The following SYT13 variants were observed in gnomAD, a reference collection of about 807,000 sequenced individuals.
SYT13 encodes synaptotagmin-13.
A neutral mutation model predicts 38.6 loss-of-function variants in SYT13; 21 were observed. The observed-to-expected ratio is 0.54, with a 90% CI of 0.39 to 0.78. SYT13 has a LOEUF of 0.78. SYT13 is among the 30% of genes least tolerant of loss of function. The pLI is 0.00. For missense variants in SYT13, 495 were observed against 548.7 expected (o/e 0.90, Z 0.98); for synonymous variants, 241 against 237.6 (o/e 1.01, Z -0.13).
chr11:45,265,127 G>C (rs1401907205), intron 1 of SYT13, among the ~76,000 whole-genome samples: 1 of 152,152 alleles, frequency 6.6e-6, no homozygotes, highest in Non-Finnish European at 1.5e-5. Context: ...AGTCCATTGG[G>C]GCATATTCTT....
At chr11:45,261,195 C>T (rs2135897388) in intron 1 of SYT13, among the ~76,000 whole-genome samples, 1 of 152,284 alleles carries the variant, frequency 6.6e-6, no homozygotes. Context: ...AGGATGGCTA[C>T]TATCAACAAA....
intron 1 of SYT13, among the ~76,000 whole-genome samples, chr11:45,272,539 C>A (rs1396450922): frequency 6.6e-6 from 1 of 152,194 alleles, no homozygotes; most frequent in Admixed American, 6.5e-5. Context: ...AGATTCAAAG[C>A]CAGTCAGTAT....
chr11:45,283,357 C>A (rs141889286), intron 1 of SYT13, among the ~76,000 whole-genome samples: 5 of 152,240 alleles, frequency 3.3e-5, no homozygotes, highest in South Asian at 2.1e-4. Flanking sequence ...GTCATCTAGA[C>A]CCCTATTTTC....
intron 1 of SYT13, among the ~76,000 whole-genome samples, chr11:45,263,840 C>T (rs1320504089): frequency 6.6e-6 from 1 of 152,200 alleles, no homozygotes; most frequent in Non-Finnish European, 1.5e-5. Flanking sequence ...GATTAATTAA[C>T]TTCTCTGTGC....
Position 45,264,015 on chromosome 11 carries a change from C to G in SYT13, c.184-8124G>C, listed in dbSNP as rs142301858. 8.1e-3 allele frequency among the ~76,000 whole-genome samples: 1,234 copies of G among 152,290 alleles called. 14 individuals are homozygous for G. Among genetic ancestry groups the G allele is most frequent in the African/African-American group, 0.027 (1,139 of 41,552 alleles). ...TATTTATGTGACCCTAGGGTCTAGTCAGGTGCTACAAAAAGTGGGGTTTGT... is the reference window on the plus strand; with the variant it reads ...TATTTATGTGACCCTAGGGTCTAGTGAGGTGCTACAAAAAGTGGGGTTTGT... On this transcript the variant is annotated intron_variant, in intron 1 of 5. Transcript: ENST00000020926.
At position 45,242,143 on chromosome 11, in the gene SYT13, A is replaced by C. The variant is rs6416129; in HGVS notation, c.*1909T>G. ...CTTGTCCAGAAATTCTGTCTTAGGG[A>C]AGTGGATTAGGGTGACATCTGAAGG... On this transcript the variant is annotated 3_prime_UTR_variant, in exon 6 of 6. Transcript: ENST00000020926. 0.82 allele frequency: 124,414 copies of C among 152,102 alleles called. 51,893 individuals are homozygous for C. The highest frequency in any genetic ancestry group is 0.88 in the Non-Finnish European group (60,164 of 68,016). 9.4% of individuals were successfully genotyped at this position (152,102 alleles called of 1,614,324 possible).
intron 1 of SYT13, among the ~76,000 whole-genome samples, chr11:45,282,564 CAGG>C (rs1439889772): frequency 6.6e-6 from 1 of 152,188 alleles, no homozygotes; most frequent in Non-Finnish European, 1.5e-5. Flanking sequence ...CAGAGTCTAG[CAGG>C]AGATTTAATA....
At chr11:45,259,453 T>G (rs2135896095) in intron 1 of SYT13, among the ~76,000 whole-genome samples, 1 of 152,332 alleles carries the variant, frequency 6.6e-6, no homozygotes, top group South Asian at 2.1e-4. Context: ...GCCTCAAGTC[T>G]TGACACTCTG....
At chr11:45,281,138 G>C (rs1364264715) in intron 1 of SYT13, among the ~76,000 whole-genome samples, 2 of 151,962 alleles carry the variant, frequency 1.3e-5, no homozygotes, top group Non-Finnish European at 2.9e-5. Flanking sequence ...AGAGGTTGCA[G>C]TCAGCTGAGA....
intron 1 of SYT13, among the ~76,000 whole-genome samples, chr11:45,275,734 C>T (rs1292083533): frequency 6.6e-6 from 1 of 152,168 alleles, no homozygotes; most frequent in Non-Finnish European, 1.5e-5. Flanking sequence ...AGGCATCACA[C>T]TGGCCTGGTA....
At position 45,243,384 on chromosome 11, in the gene SYT13, A is replaced by G. The variant is rs1189544993; in HGVS notation, c.*668T>C. 6.6e-6 allele frequency: 1 copy of G among 152,240 alleles called. No individual in the cohort carries two copies. The highest frequency in any genetic ancestry group is 1.5e-5 in the Non-Finnish European group (1 of 68,052). 9.4% of individuals were successfully genotyped at this position (152,240 alleles called of 1,614,324 possible). ...GGCTGCACCATGGTTTTGGGACTCC[A>G]TCAAGGACTGTGGCCAAAAACCTGT... is the stretch of plus-strand genomic sequence containing the variant. On this transcript the variant is annotated 3_prime_UTR_variant, in exon 6 of 6. Coordinates refer to ENST00000020926, the MANE Select transcript of SYT13 (RefSeq NM_020826.3).
At chr11:45,283,539 C>T (rs1482271945) in intron 1 of SYT13, among the ~76,000 whole-genome samples, 1 of 152,242 alleles carries the variant, frequency 6.6e-6, no homozygotes, top group Admixed American at 6.5e-5. Context: ...TCTCTATTTA[C>T]TTCATCTGGG....
intron 1 of SYT13, among the ~76,000 whole-genome samples, chr11:45,274,569 C>T (rs867163865): frequency 2.0e-5 from 3 of 152,164 alleles, no homozygotes; most frequent in African/African-American, 4.8e-5. Context: ...AGATGCTCCG[C>T]GATATGCTCT....
chr11:45,263,576 T>G (rs1423097509), intron 1 of SYT13, among the ~76,000 whole-genome samples: 1 of 152,160 alleles, frequency 6.6e-6, no homozygotes, highest in Non-Finnish European at 1.5e-5. Context: ...CATCCAGTAT[T>G]CAGATGATGC....
chr11:45,286,060 T>C lies in SYT13; in HGVS notation c.148A>G (p.Lys50Glu), dbSNP rs1395655024. 6.2e-7 allele frequency: 1 copy of C among 1,609,650 alleles called. No homozygotes were observed. Among genetic ancestry groups the C allele is most frequent in the Non-Finnish European group, 8.5e-7 (1 of 1,179,606 alleles). The change falls in exon 1 of 6, where the codon AAG (lysine) becomes GAG (glutamate). Residue 50 changes from lysine (K) to glutamate (E), a missense_variant. Lys to Glu is a moderately conservative substitution (Grantham distance 56). Coordinates refer to ENST00000020926, the MANE Select transcript of SYT13 (RefSeq NM_020826.3). ...LPRDQDPDLE[K>E]AKPSLLGSAQ... ...GACCCGAGCAAGCTGGGCTTCGCCT[T>C]CTCCAGGTCGGGGTCCTGGTCCCGC...
chr11:45,281,725 A>T (rs1855076882), intron 1 of SYT13, among the ~76,000 whole-genome samples: 1 of 152,126 alleles, frequency 6.6e-6, no homozygotes, highest in Non-Finnish European at 1.5e-5. Context: ...CAATTTCAAT[A>T]AAGCCTTTGG....
chr11:45,276,476 A>C (rs1855011268), intron 1 of SYT13, among the ~76,000 whole-genome samples: 1 of 152,162 alleles, frequency 6.6e-6, no homozygotes. Flanking sequence ...AGAAATACCC[A>C]AGGTAGATGA....
At position 45,252,822 on chromosome 11, in the gene SYT13, C is replaced by T. The variant is rs757821516; in HGVS notation, c.545-100G>A. The T allele has an allele frequency of 7.3e-5, 98 of 1,351,202 alleles. No homozygotes were observed. Among genetic ancestry groups the T allele is most frequent in the Middle Eastern group, 4.3e-4 (2 of 4,608 alleles). 83.7% of individuals were successfully genotyped at this position (1,351,202 alleles called of 1,614,324 possible). A position where few individuals can be genotyped will look rare whatever the true frequency, so the allele number is the denominator to read the frequency against. ...AGGGCTGTGGAATCCAGCTTAACGA[C>T]GTGACCTTGGGTGTCAGAAAGGCTG... On this transcript the variant is annotated intron_variant, in intron 3 of 5. Transcript: ENST00000020926. The surrounding 1 kb of genome is among the most constrained non-coding windows in gnomAD (Gnocchi z 4.3).
rs755428724 is a variant in SYT13, at chr11:45,244,170, C to T, written c.1163G>A (p.Cys388Tyr). ...VLGQDDSGQS[C>Y]ALGHCSLGLH... ...GCCCAGGCTGCAGTGGCCAAGCGCA[C>T]AGCTCTGCCCTGAATCGTCCTGGCC... The change falls in exon 6 of 6, where the codon TGT becomes TAT. Residue 388 changes from cysteine (C) to tyrosine (Y), a missense_variant. Transcript: ENST00000020926. 4.6e-5 allele frequency: 74 copies of T among 1,613,916 alleles called. No homozygotes were observed. Among genetic ancestry groups the T allele is most frequent in the Middle Eastern group, 3.3e-4 (2 of 6,016 alleles).
Sources: allele counts gnomAD v4.1 joint callset (sites outside exome capture counted in the v4.1 genomes callset), GRCh38; gene constraint gnomAD v4.1.1; non-coding constraint Gnocchi (gnomAD v3.1); transcripts MANE v1.5; gene names NCBI Gene and HGNC (gene_info 2026-07-23, HGNC 2026-07-21).